SLC14A2: variants seen among roughly 807,000 people sequenced by gnomAD.
SLC14A2 encodes urea transporter 2.
Under a neutral mutation model 104.6 loss-of-function variants are expected in SLC14A2, and 91 were observed. The ratio of observed to expected loss-of-function variants is 0.87; its 90% CI spans 0.73 to 1.04. SLC14A2 has a LOEUF of 1.04. Among genes scored for constraint, SLC14A2 ranks in the 50% least tolerant of loss-of-function variants. The pLI is 0.00. For synonymous variants in SLC14A2, 476 were observed against 466.4 expected (o/e 1.02, Z -0.27); for missense variants, 1,189 against 1,156.0 (o/e 1.03, Z -0.41).
At chr18:45,412,070 A>T (rs1269467010) in intron 1 of SLC14A2, among the ~76,000 whole-genome samples, 1 of 152,182 alleles carries the variant, frequency 6.6e-6, no homozygotes, top group Non-Finnish European at 1.5e-5. Flanking sequence ...ATATGCCCCT[A>T]AAAGCAGGAA....
chr18:45,326,126 GA>G (rs2085232078), intron 1 of SLC14A2, among the ~76,000 whole-genome samples: 1 of 152,052 alleles, frequency 6.6e-6, no homozygotes, highest in Non-Finnish European at 1.5e-5. Flanking sequence ...CCATCTTTCT[GA>G]ATTAAAAAGG....
chr18:45,364,554 A>G (rs2085647867), intron 1 of SLC14A2, among the ~76,000 whole-genome samples: 1 of 152,230 alleles, frequency 6.6e-6, no homozygotes, highest in African/African-American at 2.4e-5. Context: ...ATATGTGTGT[A>G]TACACAAAAA....
At chr18:45,312,655 A>G (rs935128976) in intron 1 of SLC14A2, among the ~76,000 whole-genome samples, 1 of 152,258 alleles carries the variant, frequency 6.6e-6, no homozygotes, top group Non-Finnish European at 1.5e-5. Flanking sequence ...TGCCTCTGCA[A>G]TCAGCTGAAA....
chr18:45,256,468 T>C (rs1384921642), intron 1 of SLC14A2, among the ~76,000 whole-genome samples: 1 of 152,248 alleles, frequency 6.6e-6, no homozygotes, highest in Non-Finnish European at 1.5e-5. Context: ...GGGCCAAGAA[T>C]GGCCTTCTGT....
upstream of SLC14A2, among the ~76,000 whole-genome samples, chr18:45,612,412 G>A (rs2044987343): frequency 6.6e-6 from 1 of 152,192 alleles, no homozygotes. Context: ...ATTCACTTTT[G>A]ATTGGGGTTC....
Position 45,643,989 on chromosome 18 carries a change from G to C in SLC14A2, c.1180G>C (p.Gly394Arg). 2 of 1,613,654 alleles carry C rather than the reference G, an allele frequency of 1.2e-6. No homozygotes were observed. The highest frequency in any genetic ancestry group is 1.7e-6 in the Non-Finnish European group (2 of 1,179,668). ...TCCCCAATGCTTTTGTTTCCAGGTG[G>C]GCGTGCCACCAGGCACCTGGGCCTT... is the stretch of plus-strand genomic sequence containing the variant. Reference protein sequence around the residue: ...AAISNIMSVVGVPPGTWAFCL... With the variant: ...AAISNIMSVVRVPPGTWAFCL... The change falls in exon 10 of 20, where the codon GGC (glycine) becomes CGC (arginine). Residue 394 changes from glycine (G) to arginine (R), a missense_variant. Physicochemically the swap from Gly to Arg is moderately radical, Grantham distance 125. Transcript: ENST00000255226.
chr18:45,663,894 G>T lies in SLC14A2; in HGVS notation c.1461G>T (p.Arg487=), dbSNP rs1599144034. ...TTCACATCGAGTGGTCATCCATTCG[G>T]AGGAGGAGCAAAGGTGTGCATGTCC... ...SVFHIEWSSI[R]RRSKVFGKGE... is the part of the protein sequence containing the mutation. Residue 487 remains arginine (R), a synonymous_variant, in exon 11 of 20, where the codon CGG becomes CGT. Transcript: ENST00000255226. The T allele has an allele frequency of 6.2e-7, 1 of 1,612,842 alleles. No individual in the cohort carries two copies. The highest frequency in any genetic ancestry group is 1.1e-5 in the South Asian group (1 of 90,860).
chr18:45,622,203 T>C (rs1349065183), intron 1 of SLC14A2, among the ~76,000 whole-genome samples: 1 of 152,156 alleles, frequency 6.6e-6, no homozygotes. Flanking sequence ...ATGAAAGTCA[T>C]TGAAGATGTG....
chr18:45,233,500 C>G (rs1248697664), intron 1 of SLC14A2, among the ~76,000 whole-genome samples: 1 of 152,078 alleles, frequency 6.6e-6, no homozygotes, highest in Admixed American at 6.5e-5. Flanking sequence ...ACAAAAAAGT[C>G]CCCTATTTCA....
At chr18:45,477,088 TG>T (rs1471323349) in intron 1 of SLC14A2, among the ~76,000 whole-genome samples, 1 of 152,254 alleles carries the variant, frequency 6.6e-6, no homozygotes, top group African/African-American at 2.4e-5. Flanking sequence ...TCAGCCTTTT[TG>T]CACTGGTTTT....
chr18:45,300,221 T>C (rs994301866), intron 1 of SLC14A2, among the ~76,000 whole-genome samples: 2 of 152,206 alleles, frequency 1.3e-5, no homozygotes, highest in Non-Finnish European at 2.9e-5. Context: ...TCTGAGGGGC[T>C]GCAGGCTCCT....
At chr18:45,617,147 AT>A (rs2045086308) in intron 1 of SLC14A2, among the ~76,000 whole-genome samples, 1 of 152,166 alleles carries the variant, frequency 6.6e-6, no homozygotes, top group African/African-American at 2.4e-5. Context: ...CTCCTATGAG[AT>A]TCTTCCAAAC....
At chr18:45,577,216 C>T (rs1304011766) in intron 2 of SLC14A2, among the ~76,000 whole-genome samples, 1 of 148,362 alleles carries the variant, frequency 6.7e-6, no homozygotes, top group Non-Finnish European at 1.5e-5. Context: ...ATCAAAATAC[C>T]GAGAATAAAA....
At chr18:45,364,227 T>A (rs1328686117) in intron 1 of SLC14A2, among the ~76,000 whole-genome samples, 2 of 152,118 alleles carry the variant, frequency 1.3e-5, no homozygotes. Context: ...ATAGATTACA[T>A]CATATACTTC....
intron 1 of SLC14A2, among the ~76,000 whole-genome samples, chr18:45,262,804 C>A (rs573779342): frequency 6.6e-6 from 1 of 152,118 alleles, no homozygotes; most frequent in African/African-American, 2.4e-5. Context: ...GAGGATGGAA[C>A]AAAGGCAACT....
chr18:45,345,212 A>G (rs910123419), intron 1 of SLC14A2, among the ~76,000 whole-genome samples: 8 of 152,246 alleles, frequency 5.3e-5, no homozygotes, highest in African/African-American at 1.9e-4. Context: ...TGCCATGAGA[A>G]TAGTCTCAGA....
chr18:45,286,718 T>TTGTGTGTGTC (rs1555672193), intron 1 of SLC14A2, among the ~76,000 whole-genome samples: 132 of 150,720 alleles, frequency 8.8e-4, no homozygotes, highest in African/African-American at 3.0e-3. Context: ...TCCCCCCAAC[T>TTGTGTGTGTC]TGTGTGTGTG....
intron 10 of SLC14A2, among the ~76,000 whole-genome samples, chr18:45,659,816 A>AGCCTGGGTGACAGAGCAAGACTCCGTC: frequency 6.6e-6 from 1 of 152,342 alleles, no homozygotes; most frequent in Non-Finnish European, 1.5e-5. Flanking sequence ...GACTTTGTCC[A>AGCCTGGGTGACAGAGCAAGACTCCGTC]TTATACTAGT....
intron 2 of SLC14A2, among the ~76,000 whole-genome samples, chr18:45,590,629 C>G (rs772555409): frequency 2.0e-4 from 30 of 152,100 alleles, no homozygotes; most frequent in Non-Finnish European, 3.8e-4. Context: ...AAAGTCCAGA[C>G]CCCTGGAATG....
Sources: allele counts gnomAD v4.1 joint callset (sites outside exome capture counted in the v4.1 genomes callset), GRCh38; gene constraint gnomAD v4.1.1; transcripts MANE v1.5; gene names NCBI Gene and HGNC (gene_info 2026-07-23, HGNC 2026-07-21).